The following NTM variants were observed in gnomAD, a reference collection of about 807,000 sequenced individuals.
The protein encoded by NTM is IgLON family member 2.
A neutral mutation model predicts 42.1 loss-of-function variants in NTM; 13 were observed. The ratio of observed to expected loss-of-function variants is 0.31; its 90% CI spans 0.20 to 0.49. The LOEUF (loss-of-function observed/expected upper bound fraction) is 0.49, where lower values mean the gene tolerates loss of function less well. NTM is among the 20% of genes least tolerant of loss of function. NTM has a pLI of 0.99. For synonymous variants in NTM, 187 were observed against 179.2 expected (o/e 1.04, Z -0.35); for missense variants, 373 against 452.8 (o/e 0.82, Z 1.60).
chr11:132,054,093 T>C (rs2079246629), intron 2 of NTM, among the ~76,000 whole-genome samples: 2 of 152,240 alleles, frequency 1.3e-5, no homozygotes. Flanking sequence ...CACACGTCTA[T>C]AGTCCCAGCT....
intron 3 of NTM, among the ~76,000 whole-genome samples, chr11:132,148,010 C>T (rs2070946359): frequency 6.6e-6 from 1 of 152,150 alleles, no homozygotes; most frequent in Non-Finnish European, 1.5e-5. Context: ...TGATGCTGGA[C>T]CTGGCTGTGG....
At chr11:131,936,927 A>G (rs1336489255) in intron 2 of NTM, among the ~76,000 whole-genome samples, 1 of 152,242 alleles carries the variant, frequency 6.6e-6, no homozygotes, top group Non-Finnish European at 1.5e-5. Flanking sequence ...AACTGAGAAC[A>G]GTTAAATAAC....
At chr11:131,490,225 C>T (rs534829171) in intron 1 of NTM, among the ~76,000 whole-genome samples, 19 of 152,306 alleles carry the variant, frequency 1.2e-4, no homozygotes, top group African/African-American at 3.8e-4. Context: ...AATCAAATGT[C>T]AACATGAGGC....
At chr11:131,591,907 T>C (rs560943688) in intron 1 of NTM, among the ~76,000 whole-genome samples, 1 of 152,188 alleles carries the variant, frequency 6.6e-6, no homozygotes, top group African/African-American at 2.4e-5. Flanking sequence ...GAGAAACAGT[T>C]CTTGTGTTAT....
intron 4 of NTM, among the ~76,000 whole-genome samples, chr11:132,301,148 C>T (rs553505094): frequency 1.3e-5 from 2 of 152,298 alleles, no homozygotes; most frequent in Admixed American, 6.5e-5. Context: ...GCCTCAGGAA[C>T]TTACAATCAG....
At chr11:132,038,491 T>C (rs2076778112) in intron 2 of NTM, among the ~76,000 whole-genome samples, 1 of 152,168 alleles carries the variant, frequency 6.6e-6, no homozygotes, top group African/African-American at 2.4e-5. Flanking sequence ...GCAAGTCACA[T>C]ATCCTTTCTA....
At chr11:131,912,848 ATATC>A (rs1330200819) in intron 2 of NTM, among the ~76,000 whole-genome samples, 2 of 152,186 alleles carry the variant, frequency 1.3e-5, no homozygotes, top group Non-Finnish European at 2.9e-5. Context: ...ACTTAAGGCA[ATATC>A]TATAGGATAG....
intron 1 of NTM, among the ~76,000 whole-genome samples, chr11:131,742,980 T>C (rs2135595716): frequency 6.6e-6 from 1 of 152,352 alleles, no homozygotes; most frequent in African/African-American, 2.4e-5. Flanking sequence ...TTCACTTTTA[T>C]CAGCTGTTCA....
At chr11:131,610,909 G>A (rs2061414748) in intron 1 of NTM, among the ~76,000 whole-genome samples, 1 of 152,222 alleles carries the variant, frequency 6.6e-6, no homozygotes, top group Non-Finnish European at 1.5e-5. Context: ...GCAGAAGAGT[G>A]AAATGAAAGT....
intron 4 of NTM, among the ~76,000 whole-genome samples, chr11:132,232,960 A>G (rs1292957521): frequency 6.6e-6 from 1 of 152,240 alleles, no homozygotes; most frequent in African/African-American, 2.4e-5. Flanking sequence ...ATTTATTTAC[A>G]CAGCACAATT....
At chr11:132,070,327 G>T (rs1243036460) in intron 2 of NTM, among the ~76,000 whole-genome samples, 1 of 141,484 alleles carries the variant, frequency 7.1e-6, no homozygotes, top group Non-Finnish European at 1.5e-5. Flanking sequence ...TCACAGGTTA[G>T]TTTACACGTC....
chr11:131,869,531 G>A (rs2047565955), intron 1 of NTM, among the ~76,000 whole-genome samples: 1 of 152,190 alleles, frequency 6.6e-6, no homozygotes, highest in Non-Finnish European at 1.5e-5. Context: ...TTTGTCCCAA[G>A]TAAAATTTAA....
rs1565552889 is a variant in NTM at position 131,789,626 on chromosome 11, A to AAGG, written c.83-121936_83-121935insGAG. ...GAAGAAGAAGAAGAAGAAGAAGAAG[A>AAGG]AGAAGAAGAAAAGAAGAAGAAGAAG... On this transcript the variant is annotated intron_variant, in intron 1 of 8. Coordinates refer to ENST00000683400, the MANE Select transcript of NTM (RefSeq NM_001352005.2). Among the ~76,000 whole-genome samples the AAGG allele has an allele frequency of 2.0e-4, 18 of 90,054 alleles. 1 individual carries two copies. Among genetic ancestry groups the AAGG allele is most frequent in the Non-Finnish European group, 3.5e-4 (15 of 43,450 alleles). The allele number at this position is 90,054 out of a possible 152,430, so 59.1% of individuals were successfully genotyped here.
chr11:131,477,634 A>G (rs1044724076), intron 1 of NTM, among the ~76,000 whole-genome samples: 7 of 151,892 alleles, frequency 4.6e-5, no homozygotes, highest in African/African-American at 9.7e-5. Flanking sequence ...ACCTCCCTGA[A>G]TAATCTCTTA....
intron 1 of NTM, among the ~76,000 whole-genome samples, chr11:131,372,172 C>A (rs1434427722): frequency 1.3e-5 from 2 of 152,162 alleles, no homozygotes; most frequent in African/African-American, 4.8e-5. Context: ...AGAGACCAGG[C>A]TGGAAGGATC....
At chr11:132,166,970 C>T (rs1280288488) in intron 3 of NTM, among the ~76,000 whole-genome samples, 1 of 152,226 alleles carries the variant, frequency 6.6e-6, no homozygotes, top group Non-Finnish European at 1.5e-5. Flanking sequence ...GCTAAGATTT[C>T]TCCCTGGACA....
At chr11:132,152,385 C>T (rs528081343) in intron 3 of NTM, among the ~76,000 whole-genome samples, 1 of 152,288 alleles carries the variant, frequency 6.6e-6, no homozygotes, top group East Asian at 1.9e-4. Flanking sequence ...ATGTCAGTAG[C>T]CCTGTGTGAC....
intron 2 of NTM, among the ~76,000 whole-genome samples, chr11:132,081,019 T>C (rs1299179167): frequency 6.6e-6 from 1 of 152,190 alleles, no homozygotes; most frequent in East Asian, 1.9e-4. Flanking sequence ...AAGTTTCATG[T>C]AAAGGAAGTA....
intron 1 of NTM, among the ~76,000 whole-genome samples, chr11:131,510,102 C>T (rs955482387): frequency 6.6e-6 from 1 of 151,916 alleles, no homozygotes; most frequent in Non-Finnish European, 1.5e-5. Flanking sequence ...GCCTGGAGGC[C>T]GCATAGCCAT....
Sources: gnomAD v4.1 joint callset for allele counts (sites outside exome capture counted in the v4.1 genomes callset) on GRCh38, gnomAD v4.1.1 for gene constraint, MANE v1.5 for transcripts, NCBI Gene and HGNC (gene_info 2026-07-23, HGNC 2026-07-21) for gene names.